The following POLR3D variants were observed in gnomAD, a reference collection of about 807,000 sequenced individuals.
POLR3D encodes the protein DNA-directed RNA polymerase III subunit RPC4.
A neutral mutation model predicts 44.5 loss-of-function variants in POLR3D; 42 were observed. That is an observed-to-expected ratio of 0.94 (90% CI 0.74 to 1.22). The LOEUF is 1.22. POLR3D is among the 50% of genes most tolerant of loss of function. The pLI, the probability that POLR3D is intolerant of heterozygous loss-of-function variation, is 0.00. For missense variants in POLR3D, 507 were observed against 505.2 expected (o/e 1.00, Z -0.03); for synonymous variants, 217 against 198.1 (o/e 1.10, Z -0.80).
intron 7 of POLR3D, among the ~76,000 whole-genome samples, chr8:22,249,790 C>G (rs1182833539): frequency 6.6e-6 from 1 of 152,156 alleles, no homozygotes; most frequent in African/African-American, 2.4e-5. Flanking sequence ...CCACTATACC[C>G]CAACCTTGGC....
At chr8:22,247,296 CT>C in intron 3 of POLR3D, 32 bp downstream of exon 3, 1 of 1,556,362 alleles carries the variant, frequency 6.4e-7, no homozygotes, top group Non-Finnish European at 8.8e-7. Flanking sequence ...ATACTTGCCC[CT>C]TATTTACTTG....
At chr8:22,247,637 A>T (rs187389425) in intron 3 of POLR3D, among the ~76,000 whole-genome samples, 10 of 152,328 alleles carry the variant, frequency 6.6e-5, no homozygotes, top group African/African-American at 1.7e-4. Flanking sequence ...ACAAAAATCT[A>T]TATTTTTGGA....
Position 22,252,456 on chromosome 8 carries a change from C to T in POLR3D, c.*1938C>T, listed in dbSNP as rs371320849. The T allele has an allele frequency of 7.9e-5, 12 of 152,248 alleles. No individual in the cohort carries two copies. Among genetic ancestry groups the T allele is most frequent in the African/African-American group, 2.9e-4 (12 of 41,450 alleles). 9.4% of individuals were successfully genotyped at this position (152,248 alleles called of 1,614,324 possible). Reference sequence around the variant, plus strand: ...TTCAATCTTCTGTTTTCTGACCCTTCCAAGAAAGTTTGAGGAAGAACATGT... The same window carrying T: ...TTCAATCTTCTGTTTTCTGACCCTTTCAAGAAAGTTTGAGGAAGAACATGT... On this transcript the variant is annotated 3_prime_UTR_variant, in exon 9 of 9. Coordinates refer to ENST00000306433, the MANE Select transcript of POLR3D (RefSeq NM_001722.3).
chr8:22,245,231 G>C (rs958792361), intron 1 of POLR3D, 48 bp downstream of exon 1: 1 of 547,436 alleles, frequency 1.8e-6, no homozygotes, highest in South Asian at 2.2e-5. Context: ...GTGCGTCCCT[G>C]TCTGGTTCCT....
In POLR3D at chr8:22,248,651, T is replaced by G. The variant is rs1586507845; in HGVS notation, c.655+2T>G. The stretch of plus-strand genomic sequence containing the variant: ...AGGTGGACATACCTGCTGTGAAAGG[T>G]ACTCTGTCGGTTAACTTCTCATCTC... On this transcript the variant is annotated splice_donor_variant, in intron 6 of 8. Transcript: ENST00000306433. LOFTEE classifies it high-confidence loss of function. 3.1e-6 allele frequency: 5 copies of G among 1,610,860 alleles called. No homozygotes were observed. The highest frequency in any genetic ancestry group is 4.2e-6 in the Non-Finnish European group (5 of 1,178,730).
intron 3 of POLR3D, among the ~76,000 whole-genome samples, 167 bp downstream of exon 3, chr8:22,247,431 A>AAAAT (rs149905010): frequency 0.047 from 7,174 of 152,134 alleles, 261 homozygotes; most frequent in Admixed American, 0.084. Context: ...CAAGCTTTAA[A>AAAAT]AAATAAATAA....
rs755231165 is a variant in POLR3D, at chr8:22,249,207, C to T, written c.819C>T (p.Asp273=). The change falls in exon 7 of 9, where the codon GAC becomes GAT. Residue 273 remains aspartate, a synonymous_variant. Coordinates refer to ENST00000306433, the MANE Select transcript of POLR3D (RefSeq NM_001722.3). ...AACTGCTGTTTCTGCAGCTGCCAGA[C>T]ACCCTCCCTGGCCAGCCACCCACCC... The part of the protein sequence containing the change: ...EEELLFLQLP[D]TLPGQPPTQD... 59 of 1,613,944 alleles carry T rather than the reference C, an allele frequency of 3.7e-5. No homozygotes were observed. Among genetic ancestry groups the T allele is most frequent in the Admixed American group, 1.2e-4 (7 of 59,982 alleles).
At chr8:22,247,801 CA>C in intron 3 of POLR3D, 55 bp from the exon 4 acceptor site, 1 of 1,565,382 alleles carries the variant, frequency 6.4e-7, no homozygotes, top group Admixed American at 1.8e-5. Context: ...AGAGTAAGGC[CA>C]GATTTTGGAG....
chr8:22,245,144 C>G lies in POLR3D; in HGVS notation c.-45C>G, dbSNP rs1053658512. ...AGGCCCTGCCACGCAGACTTCCGCCCGGCGCGGAGACCGAAGGCTGGCGGC... is the reference window on the plus strand; with the variant it reads ...AGGCCCTGCCACGCAGACTTCCGCCGGGCGCGGAGACCGAAGGCTGGCGGC... On this transcript the variant is annotated 5_prime_UTR_variant, in exon 1 of 9. Transcript: ENST00000306433. The G allele has an allele frequency of 1.7e-6, 1 of 585,998 alleles. No individual in the cohort carries two copies. The highest frequency in any genetic ancestry group is 2.2e-5 in the Admixed American group (1 of 45,600). 36.3% of individuals were successfully genotyped at this position (585,998 alleles called of 1,614,324 possible).
chr8:22,253,448 G>A lies in POLR3D; in HGVS notation c.*2930G>A. 1 of 152,248 alleles carries A rather than the reference G, an allele frequency of 6.6e-6. No homozygotes were observed. Among genetic ancestry groups the A allele is most frequent in the East Asian group, 1.9e-4 (1 of 5,202 alleles). 9.4% of individuals were successfully genotyped at this position (152,248 alleles called of 1,614,324 possible). ...TGGCACTGAGCACACTTGCCCTTGA[G>A]CTGGGGTTTTGTTAGTAGGGAGGAA... is the stretch of plus-strand genomic sequence containing the variant. On this transcript the variant is annotated 3_prime_UTR_variant, in exon 9 of 9. Transcript: ENST00000306433.
chr8:22,247,899 G>T lies in POLR3D; in HGVS notation c.252G>T (p.Arg84Ser). ...EVTVKKEKRE[R>S]DRDRQREGHG... ...CTGTCAAGAAGGAGAAGCGTGAAAGGGACAGAGACCGACAACGAGAGGGGC... is the reference window on the plus strand; with the variant it reads ...CTGTCAAGAAGGAGAAGCGTGAAAGTGACAGAGACCGACAACGAGAGGGGC... Residue 84 changes from arginine to serine, a missense_variant, in exon 4 of 9, where the codon AGG becomes AGT. Transcript: ENST00000306433. 2 of 1,614,110 alleles carry T rather than the reference G, an allele frequency of 1.2e-6. No homozygotes were observed. The highest frequency in any genetic ancestry group is 1.7e-6 in the Non-Finnish European group (2 of 1,180,026).
Position 22,254,226 on chromosome 8 carries a change from C to T in POLR3D, c.*3708C>T, listed in dbSNP as rs1830129139. The T allele has an allele frequency of 1.3e-5, 2 of 152,210 alleles. No individual in the cohort carries two copies. Among genetic ancestry groups the T allele is most frequent in the Middle Eastern group, 3.2e-3 (1 of 316 alleles). The allele number at this position is 152,210 out of a possible 1,614,324, so 9.4% of individuals were successfully genotyped here. ...GTTTCCGAGGTTAGGATAATTACCT[C>T]AAGCTCCATCCATGTGGCTGCAAAG... is the stretch of plus-strand genomic sequence containing the variant. On this transcript the variant is annotated 3_prime_UTR_variant, in exon 9 of 9. Transcript: ENST00000306433.
In POLR3D at chr8:22,254,552, A is replaced by T. The variant is rs1830132598; in HGVS notation, c.*4034A>T. On this transcript the variant is annotated 3_prime_UTR_variant, in exon 9 of 9. Coordinates refer to ENST00000306433, the MANE Select transcript of POLR3D (RefSeq NM_001722.3). Reference sequence around the variant, plus strand: ...TGTTAATGAGTATGTTGTGTTTCACATACTTCTGAATTAGCCGAAGGAATT... The same window carrying T: ...TGTTAATGAGTATGTTGTGTTTCACTTACTTCTGAATTAGCCGAAGGAATT... 1 of 152,188 alleles carries T rather than the reference A, an allele frequency of 6.6e-6. No homozygotes were observed. Among genetic ancestry groups the T allele is most frequent in the Non-Finnish European group, 1.5e-5 (1 of 68,030 alleles). The allele number at this position is 152,188 out of a possible 1,614,324, so 9.4% of individuals were successfully genotyped here. A position where few individuals can be genotyped will look rare whatever the true frequency, so the allele number is the denominator to read the frequency against.
At position 22,248,616 on chromosome 8, in the gene POLR3D, G is replaced by C; in HGVS notation, c.622G>C (p.Glu208Gln). The change falls in exon 6 of 9, where the codon GAG (glutamate) becomes CAG (glutamine). Residue 208 changes from glutamate (E) to glutamine (Q), a missense_variant. Coordinates refer to ENST00000306433, the MANE Select transcript of POLR3D (RefSeq NM_001722.3). ...ACCTTGGCTGGCTGGCCCCAAGGAAGAGGACATGGAGGTGGACATACCTGC... is the reference window on the plus strand; with the variant it reads ...ACCTTGGCTGGCTGGCCCCAAGGAACAGGACATGGAGGTGGACATACCTGC... ...VKPWLAGPKE[E>Q]DMEVDIPAVK... 1 of 1,614,006 alleles carries C rather than the reference G, an allele frequency of 6.2e-7. No individual in the cohort carries two copies. Among genetic ancestry groups the C allele is most frequent in the Non-Finnish European group, 8.5e-7 (1 of 1,180,008 alleles).
chr8:22,250,156 G>A lies in POLR3D; in HGVS notation c.1003G>A (p.Gly335Arg), dbSNP rs776839121. 5 of 1,614,042 alleles carry A rather than the reference G, an allele frequency of 3.1e-6. No homozygotes were observed. In the East Asian group the frequency reaches 8.9e-5, roughly 29 times the overall value. ...QVGKLLIRKS[G>R]RVQLLLGKVT... is the part of the protein sequence containing the mutation. ...TGGCAAGCTACTCATCCGCAAGTCT[G>A]GAAGGGTGCAACTCCTCTTGGGCAA... The change falls in exon 8 of 9, where the codon GGA becomes AGA. Residue 335 changes from glycine to arginine, a missense_variant. Transcript: ENST00000306433.
intron 6 of POLR3D, 47 bp from the exon 7 acceptor site, chr8:22,248,997 A>T: frequency 6.2e-7 from 1 of 1,601,932 alleles, no homozygotes; most frequent in Non-Finnish European, 8.5e-7. Context: ...GTGAGCTGGT[A>T]TGGAGGGTGG....
intron 1 of POLR3D, 116 bp downstream of exon 1, chr8:22,245,299 C>G (rs1211568306): frequency 3.6e-6 from 2 of 548,714 alleles, no homozygotes; most frequent in Non-Finnish European, 6.0e-6. Context: ...TGGGTGGTCC[C>G]GGGAGTCTCG....
chr8:22,250,260 T>C (rs369919515), intron 8 of POLR3D, 33 bp downstream of exon 8: 1 of 1,613,126 alleles, frequency 6.2e-7, no homozygotes, highest in Non-Finnish European at 8.5e-7. Context: ...GGAGGGACCC[T>C]TTCAGGAGTG....
chr8:22,249,339 A>C (rs780647645), intron 7 of POLR3D, 30 bp downstream of exon 7: 3 of 1,606,048 alleles, frequency 1.9e-6, no homozygotes, highest in Admixed American at 1.7e-5. Flanking sequence ...TGCGGGAATC[A>C]AGTCGGGGAC....
Sources: allele counts gnomAD v4.1 joint callset (sites outside exome capture counted in the v4.1 genomes callset), GRCh38; gene constraint gnomAD v4.1.1; transcripts MANE v1.5; gene names NCBI Gene and HGNC (gene_info 2026-07-23, HGNC 2026-07-21).